Variants in TAF1 observed in about 807,000 individuals in gnomAD.
TAF1 encodes the protein TATA-box binding protein associated factor 1, also known as transcription initiation factor TFIID subunit 1.
TAF1 carries 2 observed loss-of-function variants against 138.5 expected under a neutral mutation model. That is an observed-to-expected ratio of 0.01 (90% confidence interval 0.01 to 0.05). The LOEUF (loss-of-function observed/expected upper bound fraction) is 0.05. Ranked by LOEUF, TAF1 falls within the 10% of genes least tolerant of loss-of-function variation. The pLI, the probability that TAF1 is intolerant of heterozygous loss-of-function variation, is 1.00. For synonymous variants in TAF1, 437 were observed against 503.2 expected (o/e 0.87, Z 1.76); for missense variants, 709 against 1,478.0 (o/e 0.48, Z 8.53).
At chrX:71,417,157 A>C (rs2036057715) in intron 28 of TAF1, among the ~76,000 whole-genome samples, 1 of 110,419 alleles carries the variant, frequency 9.1e-6, no homozygotes, top group Non-Finnish European at 1.9e-5. Flanking sequence ...ATGGATTAAT[A>C]GATTAATGGG....
At chrX:71,453,537 C>T (rs1467570492) in intron 32 of TAF1, among the ~76,000 whole-genome samples, 1 of 110,278 alleles carries the variant, frequency 9.1e-6, no homozygotes, top group Non-Finnish European at 1.9e-5. Context: ...ATAAAAACAA[C>T]AGCCTGCACC....
At chrX:71,447,385 T>C (rs1425369098) in intron 32 of TAF1, among the ~76,000 whole-genome samples, 2 of 111,064 alleles carry the variant, frequency 1.8e-5, no homozygotes, top group Non-Finnish European at 3.8e-5. Context: ...TGACTGGTGT[T>C]TTTCTCTGAA....
At chrX:71,438,525 G>A (rs1013762495) in intron 32 of TAF1, among the ~76,000 whole-genome samples, 1 of 111,685 alleles carries the variant, frequency 9.0e-6, no homozygotes, top group Non-Finnish European at 1.9e-5. Flanking sequence ...TTGTCTTCCA[G>A]TAATGCCTCG....
Position 71,366,386 on chromosome X carries a change from G to A in TAF1, c.12G>A (p.Thr4=). MSD[T]DSDEDSAGGG... ...CTGCTGCCGCCATCATGTCAGACAC[G>A]GACAGCGACGAAGATTCCGCTGGAG... The change falls in exon 1 of 38, where the codon ACG becomes ACA. Residue 4 remains threonine, a synonymous_variant. Coordinates refer to ENST00000423759, the MANE Select transcript of TAF1 (RefSeq NM_004606.5). 1 of 1,210,788 alleles carries A rather than the reference G, an allele frequency of 8.3e-7. No homozygotes were observed.
intron 13 of TAF1, among the ~76,000 whole-genome samples, chrX:71,384,630 G>A (rs1347745560): frequency 1.8e-5 from 2 of 110,725 alleles, no homozygotes; most frequent in Non-Finnish European, 3.8e-5. Context: ...GGATGGTCTC[G>A]ATCTCTTAAC....
intron 12 of TAF1, 26 bp downstream of exon 12, chrX:71,383,190 C>T: frequency 8.4e-7 from 1 of 1,195,098 alleles, no homozygotes; most frequent in Admixed American, 2.2e-5. Flanking sequence ...GGTTAGAAAA[C>T]AGCTATAAAG....
chrX:71,475,312 G>A (rs1038580509), intron 13 of TAF1, among the ~76,000 whole-genome samples: 7 of 111,705 alleles, frequency 6.3e-5, no homozygotes, highest in Non-Finnish European at 1.3e-4. Context: ...GGCGTCAGGC[G>A]CAGTGGCTCA....
At chrX:71,439,872 A>G (rs1388059952) in intron 32 of TAF1, among the ~76,000 whole-genome samples, 1 of 112,119 alleles carries the variant, frequency 8.9e-6, no homozygotes, top group African/African-American at 3.2e-5. Flanking sequence ...AATATCTTAC[A>G]TAGCTGTACT....
intron 13 of TAF1, among the ~76,000 whole-genome samples, chrX:71,485,150 A>T (rs933321802): frequency 1.8e-5 from 2 of 112,178 alleles, no homozygotes; most frequent in African/African-American, 6.5e-5. Context: ...TGGATTCCTG[A>T]TCCATGGAAA....
intron 13 of TAF1, among the ~76,000 whole-genome samples, chrX:71,500,978 G>A (rs940294125): frequency 2.8e-5 from 3 of 107,374 alleles, no homozygotes; most frequent in Non-Finnish European, 3.8e-5. Context: ...CAGGAGAATC[G>A]TTTGAACCCA....
chrX:71,504,732 A>G (rs2039585521), intron 13 of TAF1, among the ~76,000 whole-genome samples: 1 of 70,266 alleles, frequency 1.4e-5, no homozygotes, highest in Admixed American at 1.8e-4. Flanking sequence ...ACAGAATGAG[A>G]CCCTGTCTCA....
intron 13 of TAF1, 30 bp from the exon 14 acceptor site, chrX:71,384,914 TA>T: frequency 9.2e-7 from 1 of 1,088,311 alleles, no homozygotes; most frequent in East Asian, 3.0e-5. Flanking sequence ...TGATATATTC[TA>T]AATAACTGGG....
intron 32 of TAF1, among the ~76,000 whole-genome samples, chrX:71,427,081 G>A (rs1402859662): frequency 1.8e-5 from 2 of 111,829 alleles, no homozygotes; most frequent in African/African-American, 3.2e-5. Context: ...GTGAAGGATT[G>A]GACAGTCAGA....
At chrX:71,388,192 TA>T in intron 15 of TAF1, 44 bp from the exon 16 acceptor site, 2 of 1,204,047 alleles carry the variant, frequency 1.7e-6, no homozygotes, top group Non-Finnish European at 2.2e-6. Flanking sequence ...TGAGGACTTT[TA>T]TCCTTTTCTT....
rs1425806205 is a variant in TAF1 at position 71,464,604 on chromosome X, G to GT, written c.*558_*559insT. 1 of 185,711 alleles carries GT rather than the reference G, an allele frequency of 5.4e-6. No homozygotes were observed. Among genetic ancestry groups the GT allele is most frequent in the Non-Finnish European group, 9.9e-6 (1 of 100,504 alleles). 15.3% of individuals were successfully genotyped at this position (185,711 alleles called of 1,213,427 possible). A position where few individuals can be genotyped will look rare whatever the true frequency, so the allele number is the denominator to read the frequency against. On this transcript the variant is annotated 3_prime_UTR_variant, in exon 38 of 38. Coordinates refer to ENST00000423759, the MANE Select transcript of TAF1 (RefSeq NM_004606.5). ...CCTGTTAATCCTAGCTACTCGGGAG[G>GT]CTGAGGCAGGAGAATTACTTGAACC...
Position 71,464,434 on chromosome X carries a change from G to A in TAF1, c.*388G>A. The A allele has an allele frequency of 3.0e-6, 1 of 337,068 alleles. No individual in the cohort carries two copies. Among genetic ancestry groups the A allele is most frequent in the Non-Finnish European group, 5.1e-6 (1 of 196,092 alleles). 27.8% of individuals were successfully genotyped at this position (337,068 alleles called of 1,213,427 possible). A position where few individuals can be genotyped will look rare whatever the true frequency, so the allele number is the denominator to read the frequency against. On this transcript the variant is annotated 3_prime_UTR_variant, in exon 38 of 38. Transcript: ENST00000423759. ...ATTAGGAAATTTCCGGCCAGGCGTG[G>A]TGGCTCACACCTGTAATCTCAGCAC...
In TAF1 at chrX:71,389,353, C is replaced by T. The variant is rs188135353; in HGVS notation, c.2701-232C>T. ...GACTCAGTTATTGAGCATCTCTGTT[C>T]AGCTTGCTTATGGGCTGTAACTATC... is the stretch of plus-strand genomic sequence containing the variant. On this transcript the variant is annotated intron_variant, in intron 17 of 37. Coordinates refer to ENST00000423759, the MANE Select transcript of TAF1 (RefSeq NM_004606.5). 3.1e-3 allele frequency among the ~76,000 whole-genome samples: 347 copies of T among 111,971 alleles called. 1 individual carries two copies. Among genetic ancestry groups the T allele is most frequent in the Admixed American group, 5.5e-3 (58 of 10,475 alleles).
chrX:71,432,069 A>G (rs756652385), intron 32 of TAF1, among the ~76,000 whole-genome samples: 1 of 111,580 alleles, frequency 9.0e-6, no homozygotes, highest in South Asian at 3.8e-4. Flanking sequence ...GATGGTTATT[A>G]GAAGTTATTA....
chrX:71,385,155 A>T, intron 14 of TAF1, 106 bp downstream of exon 14: 1 of 557,437 alleles, frequency 1.8e-6, no homozygotes, highest in South Asian at 3.6e-5. Context: ...GAGATGCTTT[A>T]ATTTTAAGTA....
Sources: gnomAD v4.1 joint callset for allele counts (sites outside exome capture counted in the v4.1 genomes callset) on GRCh38, gnomAD v4.1.1 for gene constraint, MANE v1.5 for transcripts, NCBI Gene and HGNC (gene_info 2026-07-23, HGNC 2026-07-21) for gene names.